The following THAP2 variants were observed in gnomAD, a reference collection of about 807,000 sequenced individuals.
THAP2 encodes THAP domain containing 2, also known as THAP domain-containing protein 2.
A neutral mutation model predicts 18.8 loss-of-function variants in THAP2; 16 were observed. The observed-to-expected ratio is 0.85, with a 90% CI of 0.58 to 1.29. The LOEUF (loss-of-function observed/expected upper bound fraction) is 1.29. Among genes scored for constraint, THAP2 ranks in the 50% most tolerant of loss-of-function variants. THAP2 has a pLI of 0.00. For missense variants in THAP2, 251 were observed against 265.3 expected, an observed-to-expected ratio of 0.95 and a Z score of 0.38; for synonymous variants, 80 against 89.2, an observed-to-expected ratio of 0.90 and a Z score of 0.58.
chr12:71,666,888 A>G (rs1351766407), intron 1 of THAP2, among the ~76,000 whole-genome samples: 1 of 151,932 alleles, frequency 6.6e-6, no homozygotes, highest in East Asian at 1.9e-4. Flanking sequence ...GCATGCCCAC[A>G]TGCCTGGCTA....
chr12:71,670,166 A>G lies in THAP2; in HGVS notation c.72-4037A>G, dbSNP rs188074344. 3.3e-5 allele frequency among the ~76,000 whole-genome samples: 5 copies of G among 152,194 alleles called. No individual in the cohort carries two copies. The East Asian group carries it at 9.7e-4, about 29-fold the overall frequency. On this transcript the variant is annotated intron_variant, in intron 1 of 2. Transcript: ENST00000308086. ...CTGGTAGTGTTAGCCAACCTAGTAT[A>G]TGCGATATACCCAAAGCTGTTACCT...
intron 1 of THAP2, among the ~76,000 whole-genome samples, chr12:71,673,135 A>G (rs375242759): frequency 2.0e-5 from 3 of 152,284 alleles, no homozygotes; most frequent in Admixed American, 6.5e-5. Context: ...TGGTCTCTGT[A>G]AATTTTGATA....
intron 1 of THAP2, chr12:71,667,891 A>G (rs985453859): frequency 2.0e-5 from 3 of 152,236 alleles, no homozygotes; most frequent in African/African-American, 7.2e-5. Flanking sequence ...CAGATACAAC[A>G]GACAACCTTA....
chr12:71,666,625 G>T (rs1032270547), intron 1 of THAP2, among the ~76,000 whole-genome samples: 1 of 152,112 alleles, frequency 6.6e-6, no homozygotes, highest in Non-Finnish European at 1.5e-5. Context: ...CAGAAATTTA[G>T]GTCTTAAAAT....
chr12:71,676,277 T>C lies in THAP2; in HGVS notation c.268-412T>C, dbSNP rs559597344. 6.6e-4 allele frequency among the ~76,000 whole-genome samples: 100 copies of C among 152,178 alleles called. 4 individuals carry two copies. In the South Asian group the frequency reaches 0.019, roughly 29 times the overall value. On this transcript the variant is annotated intron_variant, in intron 2 of 2. Coordinates refer to ENST00000308086, the MANE Select transcript of THAP2 (RefSeq NM_031435.4). ...TAAATAGGACCCTGGGTCTAAAATA[T>C]TTATCAAATTGAGAAAAGGGTATTT...
intron 1 of THAP2, among the ~76,000 whole-genome samples, chr12:71,671,424 AT>A (rs1264779838): frequency 8.5e-5 from 13 of 152,200 alleles, no homozygotes; most frequent in African/African-American, 3.1e-4. Context: ...TCTTCTGTTA[AT>A]TCCTCTGGTG....
rs1881555626 is a variant in THAP2 at position 71,678,561 on chromosome 12, CAACTT to C, written c.*1455_*1459del. On this transcript the variant is annotated 3_prime_UTR_variant, in exon 3 of 3. Coordinates refer to ENST00000308086, the MANE Select transcript of THAP2 (RefSeq NM_031435.4). ...TAATAGAGAATCAAGTTATTTAACT[CAACTT>C]ATTTAATTCAAGCTTGTGATACTAA... 1 of 152,182 alleles carries C rather than the reference CAACTT, an allele frequency of 6.6e-6. No individual in the cohort carries two copies. Among genetic ancestry groups the C allele is most frequent in the South Asian group, 2.1e-4 (1 of 4,828 alleles). 9.4% of individuals were successfully genotyped at this position (152,182 alleles called of 1,614,324 possible). A position where few individuals can be genotyped will look rare whatever the true frequency, so the allele number is the denominator to read the frequency against.
chr12:71,676,311 G>C (rs950471236), intron 2 of THAP2, among the ~76,000 whole-genome samples: 1 of 152,026 alleles, frequency 6.6e-6, no homozygotes, highest in African/African-American at 2.4e-5. Context: ...TTAATTAAAA[G>C]GGGATCAAAT....
At chr12:71,669,478 A>G (rs570359183) in intron 1 of THAP2, among the ~76,000 whole-genome samples, 1 of 152,344 alleles carries the variant, frequency 6.6e-6, no homozygotes, top group African/African-American at 2.4e-5. Context: ...ACAAATAATA[A>G]TACAATGATA....
chr12:71,672,635 A>T (rs2137580178), intron 1 of THAP2, among the ~76,000 whole-genome samples: 1 of 146,354 alleles, frequency 6.8e-6, no homozygotes, highest in South Asian at 2.2e-4. Context: ...CAGCTTGATG[A>T]TTTTTTTTTT....
At position 71,674,719 on chromosome 12, in the gene THAP2, A is replaced by G. The variant is rs542585238; in HGVS notation, c.267+321A>G. Among the ~76,000 whole-genome samples, 123 of 152,280 alleles carry G rather than the reference A, an allele frequency of 8.1e-4. 5 individuals carry two copies. The South Asian group carries it at 0.025, about 31-fold the overall frequency. On this transcript the variant is annotated intron_variant, in intron 2 of 2. Coordinates refer to ENST00000308086, the MANE Select transcript of THAP2 (RefSeq NM_031435.4). ...CACTGTGCTCTGATTTTAAAATGAC[A>G]TACAAATAACATGTGCAAAGTACTT... is the stretch of plus-strand genomic sequence containing the variant.
rs1268891542 is a variant in THAP2, at chr12:71,664,371, T to C, written c.-139T>C. The C allele has an allele frequency of 2.0e-6, 2 of 1,004,648 alleles. No individual in the cohort carries two copies. The highest frequency in any genetic ancestry group is 3.9e-5 in the Admixed American group (2 of 50,842). 62.2% of individuals were successfully genotyped at this position (1,004,648 alleles called of 1,614,324 possible). On this transcript the variant is annotated 5_prime_UTR_variant, in exon 1 of 3. Transcript: ENST00000308086. ...GCCTCCGCCCCCACATACACACCCC[T>C]TCTTCCCACTCCGCTCTCACGACTA...
At chr12:71,666,290 A>C (rs537251821) in intron 1 of THAP2, among the ~76,000 whole-genome samples, 1 of 152,274 alleles carries the variant, frequency 6.6e-6, no homozygotes, top group African/African-American at 2.4e-5. Context: ...CGGGCTGATC[A>C]CTTGAGCCCA....
In THAP2 at chr12:71,664,351, C is replaced by A; in HGVS notation, c.-159C>A. ...GGGAAGGCTGACCGTCCTTCGCCTCCGCCCCCACATACACACCCCTTCTTC... is the reference window on the plus strand; with the variant it reads ...GGGAAGGCTGACCGTCCTTCGCCTCAGCCCCCACATACACACCCCTTCTTC... On this transcript the variant is annotated 5_prime_UTR_variant, in exon 1 of 3. Coordinates refer to ENST00000308086, the MANE Select transcript of THAP2 (RefSeq NM_031435.4). 2.6e-6 allele frequency: 2 copies of A among 765,318 alleles called. No homozygotes were observed. Among genetic ancestry groups the A allele is most frequent in the Non-Finnish European group, 4.3e-6 (2 of 464,886 alleles). 47.4% of individuals were successfully genotyped at this position (765,318 alleles called of 1,614,324 possible).
chr12:71,664,971 C>CA, intron 1 of THAP2: 3 of 702,266 alleles, frequency 4.3e-6, no homozygotes, highest in Non-Finnish European at 7.8e-6. Context: ...AGGAAATTCT[C>CA]ACTAGATGAA....
At chr12:71,665,331 T>C (rs1029119914) in intron 1 of THAP2, 1 of 196,148 alleles carries the variant, frequency 5.1e-6, no homozygotes, top group Non-Finnish European at 1.1e-5. Context: ...ATTTTATATA[T>C]TTTATATACC....
intron 1 of THAP2, among the ~76,000 whole-genome samples, chr12:71,671,771 T>C (rs1881442909): frequency 1.3e-5 from 2 of 152,256 alleles, no homozygotes; most frequent in Non-Finnish European, 1.5e-5. Flanking sequence ...TTAAAACTTC[T>C]GACCCTCTGA....
chr12:71,666,822 C>T (rs916023832), intron 1 of THAP2, among the ~76,000 whole-genome samples: 18 of 152,106 alleles, frequency 1.2e-4, no homozygotes, highest in African/African-American at 4.1e-4. Flanking sequence ...GCAACCTCCA[C>T]CTCCTGGGTT....
rs754668624 is a variant in THAP2, at chr12:71,670,559, G to A, written c.72-3644G>A. ...TCAACTAATAGCCTTAACCAATAAC[G>A]TAAACAATCAACACATATTTTTTAT... On this transcript the variant is annotated intron_variant, in intron 1 of 2. Transcript: ENST00000308086. Among the ~76,000 whole-genome samples, 8 of 152,060 alleles carry A rather than the reference G, an allele frequency of 5.3e-5. No homozygotes were observed. In the East Asian group the frequency reaches 9.6e-4, roughly 18 times the overall value.
Sources: gnomAD v4.1 joint callset for allele counts (sites outside exome capture counted in the v4.1 genomes callset) on GRCh38, gnomAD v4.1.1 for gene constraint, MANE v1.5 for transcripts, NCBI Gene and HGNC (gene_info 2026-07-23, HGNC 2026-07-21) for gene names.